PPP2R2B: variants seen among roughly 807,000 people sequenced by gnomAD.
PPP2R2B encodes the protein serine/threonine-protein phosphatase 2A 55 kDa regulatory subunit B beta isoform.
In PPP2R2B, 5 loss-of-function variants were observed where a neutral mutation model predicts 46.0. The observed-to-expected ratio is 0.11, with a 90% CI of 0.06 to 0.23. PPP2R2B has a LOEUF of 0.23. PPP2R2B is among the 10% of genes least tolerant of loss of function. The pLI is 1.00. For missense variants in PPP2R2B, 367 were observed against 575.0 expected, an observed-to-expected ratio of 0.64 and a Z score of 3.70; for synonymous variants, 215 against 206.7, an observed-to-expected ratio of 1.04 and a Z score of -0.34.
chr5:147,046,710 T>G (rs542852642), intron 1 of PPP2R2B, among the ~76,000 whole-genome samples: 2 of 151,974 alleles, frequency 1.3e-5, no homozygotes, highest in South Asian at 4.1e-4. Context: ...CATTTTCAAC[T>G]AAATATTTCA....
chr5:146,731,184 A>G (rs571513629), intron 2 of PPP2R2B, among the ~76,000 whole-genome samples: 1 of 152,338 alleles, frequency 6.6e-6, no homozygotes, highest in African/African-American at 2.4e-5. Flanking sequence ...GACATCCCTG[A>G]CAGGAGACTG....
At chr5:146,647,149 C>T (rs528231952) in intron 6 of PPP2R2B, among the ~76,000 whole-genome samples, 1 of 40,812 alleles carries the variant, frequency 2.5e-5, no homozygotes, top group South Asian at 9.5e-4. Flanking sequence ...CATACACTTA[C>T]TTTGTAATCT....
intron 2 of PPP2R2B, among the ~76,000 whole-genome samples, chr5:146,823,161 T>C (rs548485537): frequency 1.2e-4 from 18 of 152,234 alleles, no homozygotes; most frequent in African/African-American, 4.3e-4. Context: ...TATCACTACC[T>C]ATGGTGGACT....
At chr5:146,930,173 C>T (rs994773199) in intron 1 of PPP2R2B, among the ~76,000 whole-genome samples, 13 of 151,928 alleles carry the variant, frequency 8.6e-5, no homozygotes, top group African/African-American at 3.1e-4. Context: ...TTGAATAGTC[C>T]AGAAGGATTT....
intron 2 of PPP2R2B, chr5:146,706,402 G>A (rs1779855212): frequency 1.3e-6 from 1 of 792,066 alleles, no homozygotes; most frequent in Non-Finnish European, 2.1e-6. Flanking sequence ...CTGCATAGCC[G>A]CTGGTGGTCT....
chr5:146,915,094 T>A (rs1187051464), intron 1 of PPP2R2B, among the ~76,000 whole-genome samples: 2 of 152,196 alleles, frequency 1.3e-5, no homozygotes, highest in Non-Finnish European at 2.9e-5. Context: ...GATATATCCT[T>A]ATCTATCTTC....
intron 1 of PPP2R2B, among the ~76,000 whole-genome samples, chr5:146,958,075 A>T (rs1277934420): frequency 6.6e-6 from 1 of 152,030 alleles, no homozygotes; most frequent in Admixed American, 6.6e-5. Flanking sequence ...TTTTTCTCCA[A>T]ATGTTGCTGC....
intron 5 of PPP2R2B, among the ~76,000 whole-genome samples, chr5:146,682,274 G>A (rs931718147): frequency 6.6e-6 from 1 of 152,186 alleles, no homozygotes; most frequent in African/African-American, 2.4e-5. Flanking sequence ...CTAGTCTCTA[G>A]ATGTAATACT....
At chr5:146,729,088 A>G (rs767757115) in intron 2 of PPP2R2B, among the ~76,000 whole-genome samples, 3 of 152,190 alleles carry the variant, frequency 2.0e-5, no homozygotes, top group South Asian at 2.1e-4. Context: ...GACTTGTTGA[A>G]TGGCTGTGTC....
chr5:146,701,550 C>A (rs1228150576), intron 2 of PPP2R2B, among the ~76,000 whole-genome samples: 1 of 152,130 alleles, frequency 6.6e-6, no homozygotes, highest in East Asian at 1.9e-4. Context: ...CAAATCAGGG[C>A]TGGGGGCTGT....
At chr5:146,745,200 GA>G (rs1753112459) in intron 2 of PPP2R2B, among the ~76,000 whole-genome samples, 1 of 125,472 alleles carries the variant, frequency 8.0e-6, no homozygotes, top group Non-Finnish European at 1.8e-5. Context: ...GAGAGAGAGA[GA>G]GAGAGAAAGA....
At chr5:147,060,643 AC>A (rs1325411804), upstream of PPP2R2B, among the ~76,000 whole-genome samples, 7 of 152,068 alleles carry the variant, frequency 4.6e-5, no homozygotes, top group African/African-American at 1.7e-4. Flanking sequence ...AAAAAAAGAA[AC>A]AACAAAAAAA....
intron 9 of PPP2R2B, 77 bp downstream of exon 9, chr5:146,592,894 A>T: frequency 7.1e-7 from 1 of 1,417,950 alleles, no homozygotes; most frequent in Non-Finnish European, 1.0e-6. Flanking sequence ...CTTTGGCTGT[A>T]CTCTACTTAG....
At chr5:147,070,077 C>G (rs551855808) in intron 2 of PPP2R2B, among the ~76,000 whole-genome samples, 18 of 152,078 alleles carry the variant, frequency 1.2e-4, no homozygotes, top group African/African-American at 2.7e-4. Flanking sequence ...GTGTGAGCCA[C>G]CACACCAGGC....
intron 1 of PPP2R2B, among the ~76,000 whole-genome samples, chr5:146,926,243 TA>T (rs759405902): frequency 3.9e-5 from 6 of 152,132 alleles, no homozygotes; most frequent in South Asian, 2.1e-4. Context: ...TGAATTCTGA[TA>T]TTTTTTTTCC....
At chr5:146,680,994 T>C (rs965680219) in intron 5 of PPP2R2B, among the ~76,000 whole-genome samples, 4 of 152,222 alleles carry the variant, frequency 2.6e-5, no homozygotes, top group Non-Finnish European at 5.9e-5. Context: ...TATCTTGCTA[T>C]GCACACTACC....
upstream of PPP2R2B, among the ~76,000 whole-genome samples, chr5:147,057,669 C>T (rs1239712811): frequency 6.6e-6 from 1 of 152,182 alleles, no homozygotes. Context: ...ACGTGATAAA[C>T]TACCAATGTT....
chr5:147,073,787 T>C (rs1580886866), intron 2 of PPP2R2B, among the ~76,000 whole-genome samples: 1 of 152,216 alleles, frequency 6.6e-6, no homozygotes, highest in Admixed American at 6.5e-5. Context: ...CCGCCTGTAA[T>C]AGCACTTTGG....
chr5:146,969,906 C>T (rs1364109714), intron 1 of PPP2R2B, among the ~76,000 whole-genome samples: 2 of 152,140 alleles, frequency 1.3e-5, no homozygotes, highest in African/African-American at 2.4e-5. Flanking sequence ...GAGATATCCA[C>T]GAAGCAGTTG....
Sources: allele counts gnomAD v4.1 joint callset (sites outside exome capture counted in the v4.1 genomes callset), GRCh38; gene constraint gnomAD v4.1.1; transcripts MANE v1.5; gene names NCBI Gene and HGNC (gene_info 2026-07-23, HGNC 2026-07-21).